EDNRB: variants seen among roughly 807,000 people sequenced by gnomAD.
The protein encoded by EDNRB is Hirschsprung disease 2.
Under a neutral mutation model 46.4 loss-of-function variants are expected in EDNRB, and 18 were observed. That is an observed-to-expected ratio of 0.39 (90% CI 0.27 to 0.57). EDNRB has a LOEUF of 0.57. Among genes scored for constraint, EDNRB ranks in the 20% least tolerant of loss-of-function variants. The pLI is 0.61. For missense variants in EDNRB, 434 were observed against 537.5 expected, an observed-to-expected ratio of 0.81 and a Z score of 1.90; for synonymous variants, 213 against 204.9, an observed-to-expected ratio of 1.04 and a Z score of -0.34.
chr13:77,939,825 G>A (rs1239411673), intron 1 of EDNRB: 3 of 151,942 alleles, frequency 2.0e-5, no homozygotes, highest in African/African-American at 7.3e-5. Context: ...GTGAAACTCT[G>A]TCCCCACTAA....
intron 1 of EDNRB, among the ~76,000 whole-genome samples, chr13:77,963,501 G>A (rs1231367327): frequency 1.3e-5 from 2 of 152,050 alleles, no homozygotes; most frequent in African/African-American, 4.8e-5. Flanking sequence ...ATAAACCTGA[G>A]AAAAACAAGC....
chr13:77,953,529 G>A (rs1418366819), intron 1 of EDNRB, among the ~76,000 whole-genome samples: 1 of 152,100 alleles, frequency 6.6e-6, no homozygotes, highest in Non-Finnish European at 1.5e-5. Context: ...TTTTTTAGAC[G>A]AGTAAAGAGA....
rs371588887 is a variant in EDNRB at position 77,945,248 on chromosome 13, TA to T, written c.-51-26625del. 4.6e-5 allele frequency among the ~76,000 whole-genome samples: 7 copies of T among 152,062 alleles called. No homozygotes were observed. In the East Asian group the frequency reaches 9.6e-4, roughly 21 times the overall value. ...ATATACAGAACTTTCTTGCTATTGCTAAAAAAAATCCAAGACAATTACTAAA... is the reference window on the plus strand; with the variant it reads ...ATATACAGAACTTTCTTGCTATTGCTAAAAAAATCCAAGACAATTACTAAA... On this transcript the variant is annotated intron_variant, in intron 1 of 7. Coordinates refer to the EDNRB transcript ENST00000646948.
At position 77,971,903 on chromosome 13, in the gene EDNRB, C is replaced by T. The variant is rs149626106; in HGVS notation, c.-52+3444G>A. Among the ~76,000 whole-genome samples, 37 of 152,246 alleles carry T rather than the reference C, an allele frequency of 2.4e-4. 1 individual carries two copies. The highest frequency in any genetic ancestry group is 7.0e-4 in the African/African-American group (29 of 41,548). ...AAGCCCAAGTGTCACTCTAGTTATTCGGCAGAGTGCCCAGTAAAGATCCAC... is the reference window on the plus strand; with the variant it reads ...AAGCCCAAGTGTCACTCTAGTTATTTGGCAGAGTGCCCAGTAAAGATCCAC... On this transcript the variant is annotated intron_variant, in intron 1 of 7. Coordinates refer to the EDNRB transcript ENST00000646948.
intron 1 of EDNRB, among the ~76,000 whole-genome samples, chr13:77,975,062 A>G (rs982757054): frequency 3.3e-4 from 51 of 152,308 alleles, no homozygotes; most frequent in African/African-American, 1.2e-3. Context: ...AACCAAAATC[A>G]GAGTATCCAG....
Position 77,903,363 on chromosome 13 carries a change from G to A in EDNRB, c.597-3C>T. 6.2e-7 allele frequency: 1 copy of A among 1,612,834 alleles called. No homozygotes were observed. Among genetic ancestry groups the A allele is most frequent in the Non-Finnish European group, 8.5e-7 (1 of 1,179,312 alleles). ...TCCAAGAAGCAACAGCTCGATATCT[G>A]AAGATAAAAATAGAATTGTATTTTA... On this transcript the variant is annotated splice_region_variant and splice_polypyrimidine_tract_variant and intron_variant, in intron 2 of 6. Transcript: ENST00000646607.
intron 1 of EDNRB, among the ~76,000 whole-genome samples, chr13:77,945,626 G>A (rs1880880533): frequency 6.6e-6 from 1 of 152,206 alleles, no homozygotes; most frequent in African/African-American, 2.4e-5. Context: ...AGCTGAGAGG[G>A]CTGCAGGACT....
At chr13:77,927,504 A>T (rs1307026585) in intron 1 of EDNRB, among the ~76,000 whole-genome samples, 2 of 152,232 alleles carry the variant, frequency 1.3e-5, no homozygotes, top group African/African-American at 4.8e-5. Context: ...GCAAGAAAGT[A>T]GACCTGATAT....
At chr13:77,952,019 T>C (rs1266397508) in intron 1 of EDNRB, among the ~76,000 whole-genome samples, 2 of 151,800 alleles carry the variant, frequency 1.3e-5, no homozygotes, top group Non-Finnish European at 2.9e-5. Context: ...GGGTCGGGGG[T>C]TTCCCCACTG....
At position 77,918,819 on chromosome 13, in the gene EDNRB, A is replaced by C. The variant is rs1200990071; in HGVS notation, c.-246T>G. ...CGAAACTCCTTCCTGATGCCCTCTC[A>C]GCTGTTTTTCTTCCCCCGCGTGGCC... is the stretch of plus-strand genomic sequence containing the variant. On this transcript the variant is annotated 5_prime_UTR_variant, in exon 1 of 7. Transcript: ENST00000646607. This position sits in a 1 kb window ranked among gnomAD's most constrained non-coding sequence, Gnocchi z 4.5. 2 of 1,305,542 alleles carry C rather than the reference A, an allele frequency of 1.5e-6. No homozygotes were observed. Among genetic ancestry groups the C allele is most frequent in the Admixed American group, 7.3e-5 (2 of 27,520 alleles). 80.9% of individuals were successfully genotyped at this position (1,305,542 alleles called of 1,614,324 possible). A position where few individuals can be genotyped will look rare whatever the true frequency, so the allele number is the denominator to read the frequency against.
At chr13:77,916,869 A>T (rs1879830457) in intron 1 of EDNRB, among the ~76,000 whole-genome samples, 1 of 148,672 alleles carries the variant, frequency 6.7e-6, no homozygotes, top group Non-Finnish European at 1.5e-5. Context: ...AGTTTTAAAT[A>T]TTTTCATATG....
Position 77,958,344 on chromosome 13 carries a change from TTTTATTTATTTATTTATTTATTTA to T in EDNRB, c.-52+16979_-52+17002del, listed in dbSNP as rs147945804. Among the ~76,000 whole-genome samples the T allele has an allele frequency of 6.5e-3, 953 of 145,630 alleles. 10 individuals carry two copies. Among genetic ancestry groups the T allele is most frequent in the African/African-American group, 0.022 (870 of 39,952 alleles). ...AGTAATTTCAAATTTTCCCAGGTTA[TTTTATTTATTTATTTATTTATTTA>T]TTTATTTATTTATTTATTTATTTTG... On this transcript the variant is annotated intron_variant, in intron 1 of 7. Transcript: ENST00000646948.
At chr13:77,941,878 G>C (rs1880758693) in intron 1 of EDNRB, among the ~76,000 whole-genome samples, 1 of 152,196 alleles carries the variant, frequency 6.6e-6, no homozygotes, top group South Asian at 2.1e-4. Flanking sequence ...TATAGGAGAT[G>C]TTTAGTATTT....
At chr13:77,937,301 T>C (rs1321395757) in intron 1 of EDNRB, among the ~76,000 whole-genome samples, 9 of 152,204 alleles carry the variant, frequency 5.9e-5, no homozygotes, top group African/African-American at 1.2e-4. Flanking sequence ...GATAGTTCCA[T>C]TGGGGATCCT....
Position 77,898,198 on chromosome 13 carries a change from T to G in EDNRB, c.*2A>C. ...AATGAAATACAGTGAATAGTTCTTC[T>G]TTCAAGATGAGCTGTATTTATTACT... On this transcript the variant is annotated 3_prime_UTR_variant, in exon 7 of 7. Transcript: ENST00000646607. 1 of 1,611,238 alleles carries G rather than the reference T, an allele frequency of 6.2e-7. No homozygotes were observed. Among genetic ancestry groups the G allele is most frequent in the East Asian group, 2.2e-5 (1 of 44,728 alleles).
Position 77,898,179 on chromosome 13 carries a change from A to G in EDNRB, c.*21T>C. Reference sequence around the variant, plus strand: ...TTCGGTCCAATATAAAGAAAATGAAATACAGTGAATAGTTCTTCTTTCAAG... The same window carrying G: ...TTCGGTCCAATATAAAGAAAATGAAGTACAGTGAATAGTTCTTCTTTCAAG... On this transcript the variant is annotated 3_prime_UTR_variant, in exon 7 of 7. Coordinates refer to ENST00000646607, the MANE Select transcript of EDNRB (RefSeq NM_001122659.3). The G allele has an allele frequency of 6.2e-7, 1 of 1,609,680 alleles. No individual in the cohort carries two copies. Among genetic ancestry groups the G allele is most frequent in the Non-Finnish European group, 8.5e-7 (1 of 1,177,618 alleles).
chr13:77,938,572 C>T (rs188070098), intron 1 of EDNRB, among the ~76,000 whole-genome samples: 1 of 152,222 alleles, frequency 6.6e-6, no homozygotes, highest in East Asian at 1.9e-4. Flanking sequence ...GGTCAGACAC[C>T]TCTGAAACAT....
chr13:77,905,118 G>A lies in EDNRB; in HGVS notation c.484-1511C>T, dbSNP rs557304930. Among the ~76,000 whole-genome samples the A allele has an allele frequency of 2.6e-5, 4 of 151,988 alleles. No homozygotes were observed. In the South Asian group the frequency reaches 8.3e-4, roughly 32 times the overall value. On this transcript the variant is annotated intron_variant, in intron 1 of 6. Coordinates refer to ENST00000646607, the MANE Select transcript of EDNRB (RefSeq NM_001122659.3). ...ATGTAGGATCCTGAAGACCTACAGG[G>A]CCAGGCAGGTAACACAGAGAAGTGG...
rs201629890 is a variant in EDNRB, at chr13:77,896,245, G to T, written c.*1955C>A. On this transcript the variant is annotated 3_prime_UTR_variant, in exon 7 of 7. Transcript: ENST00000646607. ...TCAGGATGTAAAAATTCAGTACATGGTAATAAAAATAATCTAAAATTTAAA... is the reference window on the plus strand; with the variant it reads ...TCAGGATGTAAAAATTCAGTACATGTTAATAAAAATAATCTAAAATTTAAA... 1.5e-4 allele frequency: 52 copies of T among 350,896 alleles called. No homozygotes were observed. Among genetic ancestry groups the T allele is most frequent in the Non-Finnish European group, 2.1e-4 (47 of 222,088 alleles). The allele number at this position is 350,896 out of a possible 1,614,324, so 21.7% of individuals were successfully genotyped here.
Sources: gnomAD v4.1 joint callset for allele counts (sites outside exome capture counted in the v4.1 genomes callset) on GRCh38, gnomAD v4.1.1 for gene constraint, Gnocchi (gnomAD v3.1) non-coding constraint, MANE v1.5 for transcripts, NCBI Gene and HGNC (gene_info 2026-07-23, HGNC 2026-07-21) for gene names.